The following CCDC57 variants were observed in gnomAD, a reference collection of about 807,000 sequenced individuals.
CCDC57 encodes coiled-coil domain-containing protein 57.
In CCDC57, 118 loss-of-function variants were observed where a neutral mutation model predicts 118.9. The ratio of observed to expected loss-of-function variants is 0.99; its 90% CI spans 0.86 to 1.16. The LOEUF is 1.16. Among genes scored for constraint, CCDC57 ranks in the 50% most tolerant of loss-of-function variants. The probability of loss-of-function intolerance (pLI) is 0.00; values close to 1 mark genes in which losing one functional copy is unlikely to be tolerated. For missense variants in CCDC57, 1,300 were observed against 1,320.7 expected, an observed-to-expected ratio of 0.98 and a Z score of 0.24; for synonymous variants, 527 against 532.9, an observed-to-expected ratio of 0.99 and a Z score of 0.15.
chr17:82,125,725 G>A (rs2037329092), intron 19 of CCDC57, among the ~76,000 whole-genome samples: 1 of 152,086 alleles, frequency 6.6e-6, no homozygotes. Context: ...ACAAATACAT[G>A]CAAATAACCA....
intron 19 of CCDC57, among the ~76,000 whole-genome samples, chr17:82,120,849 G>A (rs1394884267): frequency 6.6e-6 from 1 of 151,920 alleles, no homozygotes; most frequent in Non-Finnish European, 1.5e-5. Flanking sequence ...TCCGCCTCTC[G>A]GGTTCACAGC....
chr17:82,186,851 A>T (rs1599290406), intron 8 of CCDC57, among the ~76,000 whole-genome samples: 2 of 152,030 alleles, frequency 1.3e-5, no homozygotes, highest in Admixed American at 6.5e-5. Context: ...CTGAGGCGGG[A>T]GGATCACTTG....
At chr17:82,180,720 C>T (rs959478094) in intron 9 of CCDC57, among the ~76,000 whole-genome samples, 8 of 152,248 alleles carry the variant, frequency 5.3e-5, no homozygotes, top group Non-Finnish European at 8.8e-5. Context: ...CGTGATCCGC[C>T]CGCCTCGGCC....
At chr17:82,151,055 C>A (rs1598946322) in intron 16 of CCDC57, among the ~76,000 whole-genome samples, 4 of 93,122 alleles carry the variant, frequency 4.3e-5, no homozygotes, top group African/African-American at 8.1e-5. Flanking sequence ...AGAACCTGAC[C>A]CGCACCCAGA....
intron 15 of CCDC57, chr17:82,151,989 G>A: frequency 1.8e-6 from 1 of 561,122 alleles, no homozygotes; most frequent in East Asian, 3.0e-5. Flanking sequence ...AAGGCCCACA[G>A]ATCTCCCAGG....
At chr17:82,189,824 C>T (rs1051281737) in intron 7 of CCDC57, among the ~76,000 whole-genome samples, 1 of 151,522 alleles carries the variant, frequency 6.6e-6, no homozygotes, top group African/African-American at 2.4e-5. Context: ...CCAGCCTGAT[C>T]AACATGGAGA....
chr17:82,209,757 G>C (rs1194855116), intron 1 of CCDC57, among the ~76,000 whole-genome samples: 1 of 152,134 alleles, frequency 6.6e-6, no homozygotes, highest in Non-Finnish European at 1.5e-5. Context: ...AAAGTGGTGG[G>C]ACTACAGGCG....
At chr17:82,140,343 C>T (rs2039852425) in intron 16 of CCDC57, among the ~76,000 whole-genome samples, 1 of 152,062 alleles carries the variant, frequency 6.6e-6, no homozygotes, top group Admixed American at 6.5e-5. Flanking sequence ...GCCTCGGCCT[C>T]CCAAAGTGCT....
intron 4 of CCDC57, among the ~76,000 whole-genome samples, chr17:82,196,588 G>T (rs1369623661): frequency 1.3e-5 from 2 of 152,162 alleles, no homozygotes; most frequent in East Asian, 3.9e-4. Flanking sequence ...CATCCGACAG[G>T]ACCAGAGAGG....
chr17:82,206,703 C>T (rs570881812), intron 2 of CCDC57, among the ~76,000 whole-genome samples: 8 of 152,300 alleles, frequency 5.3e-5, no homozygotes, highest in African/African-American at 1.9e-4. Flanking sequence ...GCAAATCAAT[C>T]GAACCCAAAG....
chr17:82,136,032 C>T lies in CCDC57; in HGVS notation c.2456-1838G>A, dbSNP rs138712094. Among the ~76,000 whole-genome samples, 106 of 152,180 alleles carry T rather than the reference C, an allele frequency of 7.0e-4. 1 individual carries two copies. In the East Asian group the frequency reaches 0.01, roughly 14 times the overall value. ...ATGTGGAGAAATCAGAACCTTCGTG[C>T]GCAGCTGGTGGGCATGGGAGGCGGT... On this transcript the variant is annotated intron_variant, in intron 16 of 19. Transcript: ENST00000665763.
rs140695394 is a variant in CCDC57 at position 82,148,343 on chromosome 17, G to GGATA, written c.2455+3213_2455+3216dup. Among the ~76,000 whole-genome samples the GGATA allele has an allele frequency of 9.4e-3, 248 of 26,442 alleles. 10 individuals carry two copies. The East Asian group carries it at 0.15, about 16-fold the overall frequency. The allele number at this position is 26,442 out of a possible 152,430, so 17.3% of individuals were successfully genotyped here. A position where few individuals can be genotyped will look rare whatever the true frequency, so the allele number is the denominator to read the frequency against. ...TGGGTGGGTGGATGGATGGATGGATGGATAGGTGGGTGGATGGATGGGTGG... is the reference window on the plus strand; with the variant it reads ...TGGGTGGGTGGATGGATGGATGGATGGATAGATAGGTGGGTGGATGGATGGGTGG... On this transcript the variant is annotated intron_variant, in intron 16 of 19. Transcript: ENST00000665763.
chr17:82,166,272 G>A (rs2043972523), intron 13 of CCDC57, among the ~76,000 whole-genome samples: 1 of 151,886 alleles, frequency 6.6e-6, no homozygotes, highest in Admixed American at 6.6e-5. Flanking sequence ...TACTGGGGAG[G>A]GTAGAGGTGA....
intron 16 of CCDC57, among the ~76,000 whole-genome samples, chr17:82,150,816 C>G (rs1422481455): frequency 8.5e-6 from 1 of 117,468 alleles, no homozygotes; most frequent in African/African-American, 3.4e-5. Flanking sequence ...CACCCAGAAC[C>G]AGGCGCACAC....
At chr17:82,141,157 C>T (rs894081651) in intron 16 of CCDC57, among the ~76,000 whole-genome samples, 2 of 149,850 alleles carry the variant, frequency 1.3e-5, no homozygotes, top group East Asian at 2.0e-4. Context: ...ATGACAGGCA[C>T]GTGCCACCAC....
chr17:82,210,386 A>G (rs570762416), intron 1 of CCDC57, among the ~76,000 whole-genome samples: 1 of 152,166 alleles, frequency 6.6e-6, no homozygotes, highest in Non-Finnish European at 1.5e-5. Context: ...TAGAAACAAG[A>G]TCTTGCTGGG....
At chr17:82,127,022 A>G (rs1321541288) in intron 19 of CCDC57, 1 of 985,252 alleles carries the variant, frequency 1.0e-6, no homozygotes, top group Non-Finnish European at 1.2e-6. Context: ...TTCTCGCTAC[A>G]TCACAGACCC....
chr17:82,193,625 A>G (rs56193110), intron 7 of CCDC57, 131 bp downstream of exon 6: 318,651 of 677,302 alleles, frequency 0.47, 80,180 homozygotes, highest in East Asian at 0.89. Context: ...GAAATCCAAA[A>G]CAGCGGGCTC....
intron 17 of CCDC57, among the ~76,000 whole-genome samples, chr17:82,131,001 C>T (rs1375404178): frequency 4.7e-5 from 7 of 148,448 alleles, no homozygotes; most frequent in South Asian, 2.2e-4. Flanking sequence ...TTGGTAGAGA[C>T]GAGGTTTTGC....
Sources: gnomAD v4.1 joint callset for allele counts (sites outside exome capture counted in the v4.1 genomes callset) on GRCh38, gnomAD v4.1.1 for gene constraint, MANE v1.5 for transcripts, NCBI Gene and HGNC (gene_info 2026-07-23, HGNC 2026-07-21) for gene names.